Variants in MKLN1 observed in about 807,000 individuals in gnomAD.
MKLN1 encodes muskelin.
MKLN1 carries 18 observed loss-of-function variants against 99.0 expected under a neutral mutation model. The ratio of observed to expected loss-of-function variants is 0.18; its 90% CI spans 0.13 to 0.27. The LOEUF (loss-of-function observed/expected upper bound fraction) is 0.27. Ranked by LOEUF, MKLN1 falls within the 10% of genes least tolerant of loss-of-function variation. The pLI is 1.00. For synonymous variants in MKLN1, 288 were observed against 293.2 expected, an observed-to-expected ratio of 0.98 and a Z score of 0.18; for missense variants, 621 against 875.9, an observed-to-expected ratio of 0.71 and a Z score of 3.67.
intron 12 of MKLN1, among the ~76,000 whole-genome samples, chr7:131,455,238 A>T (rs1271091522): frequency 6.6e-6 from 1 of 151,946 alleles, no homozygotes; most frequent in African/African-American, 2.4e-5. Flanking sequence ...GGACTTCGAA[A>T]ATATTTGTTA....
intron 3 of MKLN1, among the ~76,000 whole-genome samples, chr7:131,270,862 T>A (rs974259828): frequency 9.0e-6 from 1 of 111,544 alleles, no homozygotes; most frequent in Non-Finnish European, 1.9e-5. Context: ...TTGAATCACC[T>A]TTTTTTTTTC....
chr7:131,420,599 G>GTCCCC (rs1437728572), intron 8 of MKLN1, among the ~76,000 whole-genome samples: 1 of 152,164 alleles, frequency 6.6e-6, no homozygotes, highest in Non-Finnish European at 1.5e-5. Flanking sequence ...TTAGTTTGAG[G>GTCCCC]TTCAGGAGAT....
intron 1 of MKLN1, among the ~76,000 whole-genome samples, chr7:131,365,648 G>A (rs568304814): frequency 5.0e-4 from 76 of 152,104 alleles, no homozygotes; most frequent in Non-Finnish European, 8.5e-4. Flanking sequence ...GTCCAGCCTC[G>A]ATCTTTTGCA....
chr7:131,334,300 C>G lies in MKLN1; in HGVS notation c.98+6303C>G, dbSNP rs975226923. Among the ~76,000 whole-genome samples the G allele has an allele frequency of 3.3e-5, 5 of 152,290 alleles. No homozygotes were observed. The South Asian group carries it at 1.0e-3, about 32-fold the overall frequency. On this transcript the variant is annotated intron_variant, in intron 1 of 17. Transcript: ENST00000352689. The stretch of plus-strand genomic sequence containing the variant: ...GATACTATTATGCCCTTCCTTTTCT[C>G]CCTTTTCTCCCTATCTTAAACTGAG...
intron 2 of MKLN1, chr7:131,202,842 A>G (rs550319989): frequency 6.6e-6 from 1 of 152,296 alleles, no homozygotes; most frequent in East Asian, 1.9e-4. Context: ...CCTCTTCCCC[A>G]CCAACTAAAT....
At chr7:131,266,636 G>T (rs1797812981) in intron 3 of MKLN1, among the ~76,000 whole-genome samples, 2 of 152,036 alleles carry the variant, frequency 1.3e-5, no homozygotes, top group Admixed American at 1.3e-4. Context: ...TCTGACTAGG[G>T]GATGTACAAG....
chr7:131,118,522 C>T (rs1330214267), intron 1 of MKLN1, among the ~76,000 whole-genome samples: 1 of 150,314 alleles, frequency 6.7e-6, no homozygotes, highest in Non-Finnish European at 1.5e-5. Flanking sequence ...CATTGCACTC[C>T]AGCCTGAGCA....
At chr7:131,278,499 G>A (rs964488461) in intron 3 of MKLN1, among the ~76,000 whole-genome samples, 23 of 152,026 alleles carry the variant, frequency 1.5e-4, no homozygotes, top group African/African-American at 5.6e-4. Flanking sequence ...TTTTTCCATT[G>A]ATAATACTTA....
In MKLN1 at chr7:131,327,897, A is replaced by G; in HGVS notation, c.-3A>G. ...CGGTGGCGGCCGCTACGGTGCTGAC[A>G]AGATGGCGGCTGGCGGAGCTGTCGC... On this transcript the variant is annotated 5_prime_UTR_variant, in exon 1 of 18. Transcript: ENST00000352689. The G allele has an allele frequency of 6.2e-7, 1 of 1,612,228 alleles. No homozygotes were observed. Among genetic ancestry groups the G allele is most frequent in the Non-Finnish European group, 8.5e-7 (1 of 1,179,756 alleles).
chr7:131,243,711 A>C (rs775006337), intron 3 of MKLN1, among the ~76,000 whole-genome samples: 2 of 152,132 alleles, frequency 1.3e-5, no homozygotes, highest in African/African-American at 4.8e-5. Flanking sequence ...CATATATTTA[A>C]ATTTTTTAAA....
intron 3 of MKLN1, among the ~76,000 whole-genome samples, chr7:131,260,018 G>T (rs1011207391): frequency 2.0e-5 from 3 of 150,914 alleles, no homozygotes; most frequent in Non-Finnish European, 4.4e-5. Context: ...AAAGTTTCAG[G>T]ATACAAAACA....
chr7:131,389,362 C>G (rs565720813), intron 4 of MKLN1, among the ~76,000 whole-genome samples: 19 of 152,124 alleles, frequency 1.2e-4, no homozygotes, highest in African/African-American at 4.6e-4. Context: ...AGGTTTATCA[C>G]TTATACTAAA....
intron 4 of MKLN1, among the ~76,000 whole-genome samples, chr7:131,393,297 T>C (rs962125743): frequency 6.6e-6 from 1 of 152,218 alleles, no homozygotes; most frequent in Admixed American, 6.5e-5. Context: ...GGAGCTTTAA[T>C]TCACTTTTAG....
At chr7:131,364,600 TTTCTC>T (rs778945205) in intron 1 of MKLN1, among the ~76,000 whole-genome samples, 7 of 152,176 alleles carry the variant, frequency 4.6e-5, no homozygotes, top group African/African-American at 1.4e-4. Flanking sequence ...GTAGTGATCT[TTTCTC>T]TTTTCTGCTC....
At chr7:131,231,844 A>G (rs1398698196) in intron 3 of MKLN1, among the ~76,000 whole-genome samples, 2 of 152,256 alleles carry the variant, frequency 1.3e-5, no homozygotes, top group Non-Finnish European at 2.9e-5. Context: ...AAGTTGCATC[A>G]GAAGAGGAAG....
At position 131,491,658 on chromosome 7, in the gene MKLN1, C is replaced by T. The variant is rs1238791254; in HGVS notation, c.*3930C>T. ...ACTAGCTTACGTGAATGATGTTGCC[C>T]TCATTTGTTTTGGGTGAGGACTCAT... On this transcript the variant is annotated 3_prime_UTR_variant, in exon 18 of 18. Transcript: ENST00000352689. 2.6e-5 allele frequency: 4 copies of T among 152,192 alleles called. No homozygotes were observed. Among genetic ancestry groups the T allele is most frequent in the Non-Finnish European group, 5.9e-5 (4 of 68,010 alleles). 9.4% of individuals were successfully genotyped at this position (152,192 alleles called of 1,614,324 possible). A position where few individuals can be genotyped will look rare whatever the true frequency, so the allele number is the denominator to read the frequency against.
intron 3 of MKLN1, among the ~76,000 whole-genome samples, chr7:131,251,328 G>A (rs1797575265): frequency 6.6e-6 from 1 of 152,142 alleles, no homozygotes; most frequent in South Asian, 2.1e-4. Flanking sequence ...TGCCTACCGG[G>A]CAGGGTGATG....
At chr7:131,179,853 C>T (rs1300696698) in intron 2 of MKLN1, among the ~76,000 whole-genome samples, 1 of 152,054 alleles carries the variant, frequency 6.6e-6, no homozygotes, top group Non-Finnish European at 1.5e-5. Flanking sequence ...GCATTACAGG[C>T]ATGAGCCACT....
chr7:131,203,353 A>G (rs1057420343), intron 3 of MKLN1, among the ~76,000 whole-genome samples: 4 of 152,138 alleles, frequency 2.6e-5, no homozygotes, highest in Non-Finnish European at 5.9e-5. Context: ...GATCTAAGTA[A>G]TTCTGGTTTA....
Sources: allele counts gnomAD v4.1 joint callset (sites outside exome capture counted in the v4.1 genomes callset), GRCh38; gene constraint gnomAD v4.1.1; transcripts MANE v1.5; gene names NCBI Gene and HGNC (gene_info 2026-07-23, HGNC 2026-07-21).